SPOCK3: variants seen among roughly 807,000 people sequenced by gnomAD.
SPOCK3 encodes SPARC (osteonectin), cwcv and kazal like domains proteoglycan 3.
A neutral mutation model predicts 56.6 loss-of-function variants in SPOCK3; 30 were observed. The observed-to-expected ratio is 0.53, with a 90% confidence interval of 0.40 to 0.72. SPOCK3 has a LOEUF of 0.72. SPOCK3 is among the 30% of genes least tolerant of loss of function. The pLI, the probability that SPOCK3 is intolerant of heterozygous loss-of-function variation, is 0.00. For synonymous variants in SPOCK3, 196 were observed against 183.3 expected, an observed-to-expected ratio of 1.07 and a Z score of -0.56; for missense variants, 527 against 530.0, an observed-to-expected ratio of 0.99 and a Z score of 0.06.
At chr4:167,044,039 G>A (rs1374426186) in intron 3 of SPOCK3, among the ~76,000 whole-genome samples, 1 of 151,884 alleles carries the variant, frequency 6.6e-6, no homozygotes, top group Non-Finnish European at 1.5e-5. Flanking sequence ...TTTAAAGGTT[G>A]ATTTGAACTC....
intron 5 of SPOCK3, among the ~76,000 whole-genome samples, chr4:166,889,854 A>T (rs980430494): frequency 6.6e-6 from 1 of 152,064 alleles, no homozygotes; most frequent in African/African-American, 2.4e-5. Flanking sequence ...TCAAACACAC[A>T]TTCATACACA....
chr4:167,020,413 T>C (rs1429983837), intron 3 of SPOCK3, among the ~76,000 whole-genome samples: 5 of 152,106 alleles, frequency 3.3e-5, no homozygotes, highest in Non-Finnish European at 7.4e-5. Flanking sequence ...AAATTCATGT[T>C]GAAACTTAAT....
intron 6 of SPOCK3, among the ~76,000 whole-genome samples, chr4:166,836,541 G>C (rs2126811991): frequency 6.6e-6 from 1 of 152,220 alleles, no homozygotes; most frequent in Middle Eastern, 3.4e-3. Flanking sequence ...TATGTGACTT[G>C]AGATTTTTTG....
intron 4 of SPOCK3, among the ~76,000 whole-genome samples, chr4:166,949,342 T>C: frequency 6.6e-6 from 1 of 152,220 alleles, no homozygotes; most frequent in East Asian, 1.9e-4. Context: ...TCTCAACTCG[T>C]CAAAGTCATT....
At chr4:167,019,160 C>T (rs936110039) in intron 3 of SPOCK3, among the ~76,000 whole-genome samples, 2 of 152,004 alleles carry the variant, frequency 1.3e-5, no homozygotes, top group Admixed American at 6.6e-5. Context: ...GTTCACAAAA[C>T]GAGTTTCACA....
Position 167,014,354 on chromosome 4 carries a change from C to T in SPOCK3, c.236-13891G>A, listed in dbSNP as rs187737822. 1.4e-3 allele frequency among the ~76,000 whole-genome samples: 207 copies of T among 150,888 alleles called. 1 individual carries two copies. The South Asian group carries it at 0.021, about 15-fold the overall frequency. On this transcript the variant is annotated intron_variant, in intron 3 of 10. Coordinates refer to ENST00000357545, the MANE Select transcript of SPOCK3 (RefSeq NM_001040159.2). Reference sequence around the variant, plus strand: ...CTTTTTAAAGAATAATGAAACTAAGCCTTAAAACACACCAGGCAAGATGGC... The same window carrying T: ...CTTTTTAAAGAATAATGAAACTAAGTCTTAAAACACACCAGGCAAGATGGC...
At chr4:167,019,490 T>G (rs1750967194) in intron 3 of SPOCK3, among the ~76,000 whole-genome samples, 1 of 151,588 alleles carries the variant, frequency 6.6e-6, no homozygotes, top group Non-Finnish European at 1.5e-5. Context: ...ATATACAAAA[T>G]TATATATAGT....
chr4:167,005,774 C>T (rs796124076), intron 3 of SPOCK3, among the ~76,000 whole-genome samples: 9 of 151,974 alleles, frequency 5.9e-5, no homozygotes, highest in African/African-American at 1.2e-4. Context: ...TTGTTGTTGT[C>T]GGGGACTTGC....
chr4:166,907,875 G>A lies in SPOCK3; in HGVS notation c.474+4745C>T, dbSNP rs1362703575. On this transcript the variant is annotated intron_variant, in intron 5 of 10. Coordinates refer to ENST00000357545, the MANE Select transcript of SPOCK3 (RefSeq NM_001040159.2). ...ATGTTCTGGTGCTGTAATATTGATC[G>A]AGTTGGCATACCTCAGCCAAAAATC... 4.0e-5 allele frequency among the ~76,000 whole-genome samples: 6 copies of A among 151,844 alleles called. No individual in the cohort carries two copies. The East Asian group carries it at 7.7e-4, about 20-fold the overall frequency.
intron 2 of SPOCK3, among the ~76,000 whole-genome samples, chr4:167,150,665 A>G (rs1468363044): frequency 6.6e-6 from 1 of 152,192 alleles, no homozygotes; most frequent in Non-Finnish European, 1.5e-5. Context: ...TGGGAGATGA[A>G]TATTTGATAT....
chr4:167,205,350 T>TAATATATATTATATATTATATATAA (rs1734047710), intron 2 of SPOCK3, among the ~76,000 whole-genome samples: 2 of 42,546 alleles, frequency 4.7e-5, no homozygotes, highest in South Asian at 5.9e-4. Flanking sequence ...ATTATATATA[T>TAATATATATTATATATTATATATAA]AATATATATA....
At chr4:166,837,542 T>C (rs1746753957) in intron 6 of SPOCK3, among the ~76,000 whole-genome samples, 2 of 152,214 alleles carry the variant, frequency 1.3e-5, no homozygotes, top group African/African-American at 4.8e-5. Context: ...ACTGATATTA[T>C]CATTTCACTA....
At position 167,114,003 on chromosome 4, in the gene SPOCK3, T is replaced by C. The variant is rs185891495; in HGVS notation, c.190-51466A>G. Among the ~76,000 whole-genome samples the C allele has an allele frequency of 7.9e-4, 120 of 151,638 alleles. 2 individuals carry two copies. In the Middle Eastern group the frequency reaches 0.01, roughly 13 times the overall value. On this transcript the variant is annotated intron_variant, in intron 2 of 10. Coordinates refer to ENST00000357545, the MANE Select transcript of SPOCK3 (RefSeq NM_001040159.2). ...AGAGAACAAAGTTGAAACAGCCAGC[T>C]GAAAATCACCAGCGCAAAGTGAGAG...
intron 6 of SPOCK3, among the ~76,000 whole-genome samples, chr4:166,801,428 A>G (rs991395491): frequency 6.6e-6 from 1 of 152,086 alleles, no homozygotes; most frequent in African/African-American, 2.4e-5. Flanking sequence ...CATTATATGA[A>G]TATATCATAA....
At chr4:167,212,171 C>T (rs1010526657) in intron 2 of SPOCK3, among the ~76,000 whole-genome samples, 1 of 151,974 alleles carries the variant, frequency 6.6e-6, no homozygotes, top group Non-Finnish European at 1.5e-5. Flanking sequence ...GCACTACACT[C>T]TGTGTTGTGT....
At chr4:167,156,481 T>C (rs557452065) in intron 2 of SPOCK3, among the ~76,000 whole-genome samples, 1 of 152,302 alleles carries the variant, frequency 6.6e-6, no homozygotes, top group East Asian at 1.9e-4. Context: ...TGAGTGTTAA[T>C]CTTTCAGTGC....
intron 2 of SPOCK3, among the ~76,000 whole-genome samples, chr4:167,220,101 C>A (rs1365898948): frequency 6.6e-6 from 1 of 151,992 alleles, no homozygotes; most frequent in Non-Finnish European, 1.5e-5. Context: ...TTTCTCAGAA[C>A]CCAGTCAACA....
chr4:166,945,410 C>T (rs900487159), intron 4 of SPOCK3, among the ~76,000 whole-genome samples: 5 of 152,074 alleles, frequency 3.3e-5, no homozygotes, highest in African/African-American at 2.4e-5. Context: ...TGACTTCCTC[C>T]CTTTCATATT....
intron 4 of SPOCK3, among the ~76,000 whole-genome samples, chr4:166,922,473 G>A (rs1252817053): frequency 6.6e-6 from 1 of 152,072 alleles, no homozygotes; most frequent in Non-Finnish European, 1.5e-5. Flanking sequence ...GCTTTTATAT[G>A]TCTTGTCAAT....
Sources: gnomAD v4.1 joint callset for allele counts (sites outside exome capture counted in the v4.1 genomes callset) on GRCh38, gnomAD v4.1.1 for gene constraint, MANE v1.5 for transcripts, NCBI Gene and HGNC (gene_info 2026-07-23, HGNC 2026-07-21) for gene names.